RASIP1: variants seen among roughly 807,000 people sequenced by gnomAD.
The protein encoded by RASIP1 is Ras interacting protein 1.
RASIP1 carries 20 observed loss-of-function variants against 85.3 expected under a neutral mutation model. The ratio of observed to expected loss-of-function variants is 0.23; its 90% CI spans 0.17 to 0.34. RASIP1 has a LOEUF of 0.34. RASIP1 is among the 10% of genes least tolerant of loss of function. The probability of loss-of-function intolerance (pLI) is 1.00; values close to 1 mark genes in which losing one functional copy is unlikely to be tolerated. For synonymous variants in RASIP1, 617 were observed against 647.1 expected (o/e 0.95, Z 0.71); for missense variants, 1,170 against 1,390.9 (o/e 0.84, Z 2.53).
chr19:48,736,155 C>A (rs995461349), intron 3 of RASIP1, among the ~76,000 whole-genome samples: 2 of 151,462 alleles, frequency 1.3e-5, no homozygotes, highest in African/African-American at 2.4e-5. Context: ...GTGGCTCACG[C>A]GTGTAATCCC....
intron 4 of RASIP1, among the ~76,000 whole-genome samples, chr19:48,730,771 A>G (rs940964144): frequency 6.6e-6 from 1 of 152,122 alleles, no homozygotes; most frequent in Non-Finnish European, 1.5e-5. Flanking sequence ...GACACCTGCA[A>G]TCCCAGCACT....
intron 3 of RASIP1, chr19:48,737,987 C>T (rs370282528): frequency 1.0e-6 from 1 of 975,646 alleles, no homozygotes; most frequent in African/African-American, 1.8e-5. Context: ...CTCTGTCCCC[C>T]AGGCTGGAGT....
intron 11 of RASIP1, 39 bp from the exon 12 acceptor site, chr19:48,721,036 G>C: frequency 6.6e-7 from 1 of 1,511,110 alleles, no homozygotes; most frequent in Non-Finnish European, 8.9e-7. Context: ...GTCTGAAAGT[G>C]GGAGTGAGGT....
chr19:48,739,671 C>G lies in RASIP1; in HGVS notation c.138-26G>C. 1 of 1,365,732 alleles carries G rather than the reference C, an allele frequency of 7.3e-7. No individual in the cohort carries two copies. The highest frequency in any genetic ancestry group is 1.6e-5 in the South Asian group (1 of 61,736). 84.6% of individuals were successfully genotyped at this position (1,365,732 alleles called of 1,614,324 possible). A position where few individuals can be genotyped will look rare whatever the true frequency, so the allele number is the denominator to read the frequency against. On this transcript the variant is annotated intron_variant, in intron 2 of 11. Coordinates refer to ENST00000222145, the MANE Select transcript of RASIP1 (RefSeq NM_017805.3). The surrounding 1 kb of genome is among the most constrained non-coding windows in gnomAD (Gnocchi z 9.2). ...CTGGGAGTCCGCCGGGGAACAGAGT[C>G]GCGGGAGAGAGACCCAGGACGACAC... is the stretch of plus-strand genomic sequence containing the variant.
intron 10 of RASIP1, 111 bp from the exon 11 acceptor site, chr19:48,722,112 T>C (rs1043913838): frequency 7.2e-5 from 79 of 1,090,006 alleles, no homozygotes; most frequent in Non-Finnish European, 9.6e-5. Flanking sequence ...ATGGCATCTC[T>C]GCAGTGTCTT....
At position 48,735,391 on chromosome 19, in the gene RASIP1, C is replaced by G; in HGVS notation, c.984G>C (p.Ser328=). 6.2e-7 allele frequency: 1 copy of G among 1,613,044 alleles called. No individual in the cohort carries two copies. The highest frequency in any genetic ancestry group is 8.5e-7 in the Non-Finnish European group (1 of 1,179,796). ...SENLSLRRSV[S]ELSLQGRRRR... ...GCCGCCGCCCCTGAAGGCTAAGCTC[C>G]GACACGCTGCGCCGCAAAGACAAGT... Residue 328 remains serine, a synonymous_variant, in exon 4 of 12, where the codon TCG becomes TCC. Coordinates refer to ENST00000222145, the MANE Select transcript of RASIP1 (RefSeq NM_017805.3).
chr19:48,739,667 G>C lies in RASIP1; in HGVS notation c.138-22C>G, dbSNP rs1329615413. The C allele has an allele frequency of 7.2e-6, 10 of 1,380,690 alleles. No individual in the cohort carries two copies. Among genetic ancestry groups the C allele is most frequent in the Non-Finnish European group, 9.4e-6 (10 of 1,066,796 alleles). The allele number at this position is 1,380,690 out of a possible 1,614,324, so 85.5% of individuals were successfully genotyped here. A position where few individuals can be genotyped will look rare whatever the true frequency, so the allele number is the denominator to read the frequency against. On this transcript the variant is annotated intron_variant, in intron 2 of 11. Coordinates refer to ENST00000222145, the MANE Select transcript of RASIP1 (RefSeq NM_017805.3). The surrounding 1 kb of genome is among the most constrained non-coding windows in gnomAD (Gnocchi z 9.2). ...AGACCTGGGAGTCCGCCGGGGAACA[G>C]AGTCGCGGGAGAGAGACCCAGGACG...
At position 48,720,596 on chromosome 19, in the gene RASIP1, C is replaced by T. The variant is rs115351574; in HGVS notation, c.*202G>A. ...AACAATCGAGGCGCTGCCGATACCA[C>T]GGATACCTTTATTGCTCCCTGGCAT... On this transcript the variant is annotated 3_prime_UTR_variant, in exon 12 of 12. Coordinates refer to ENST00000222145, the MANE Select transcript of RASIP1 (RefSeq NM_017805.3). 1.1e-3 allele frequency: 637 copies of T among 596,972 alleles called. 5 individuals carry two copies. The African/African-American group carries it at 0.011, about 10-fold the overall frequency. The allele number at this position is 596,972 out of a possible 1,614,324, so 37.0% of individuals were successfully genotyped here.
rs2033636444 is a variant in RASIP1, at chr19:48,739,722, A to G, written c.138-77T>C. On this transcript the variant is annotated intron_variant, in intron 2 of 11. Transcript: ENST00000222145. This position sits in a 1 kb window ranked among gnomAD's most constrained non-coding sequence, Gnocchi z 9.2. ...GCCAAGACGGGGGTGGGGGCATATTAGGAGGGAAGTGGGCAGAGACCCAGA... is the reference window on the plus strand; with the variant it reads ...GCCAAGACGGGGGTGGGGGCATATTGGGAGGGAAGTGGGCAGAGACCCAGA... 9.3e-7 allele frequency: 1 copy of G among 1,079,246 alleles called. No homozygotes were observed. Among genetic ancestry groups the G allele is most frequent in the Non-Finnish European group, 1.1e-6 (1 of 885,908 alleles). 66.9% of individuals were successfully genotyped at this position (1,079,246 alleles called of 1,614,324 possible).
chr19:48,721,926 G>T lies in RASIP1; in HGVS notation c.2620C>A (p.Gln874Lys), dbSNP rs768292820. Residue 874 changes from glutamine to lysine, a missense_variant, in exon 11 of 12, where the codon CAG becomes AAG. Around this residue, in one of 4 missense-constraint regions of RASIP1, gnomAD observed 426 missense variants for 576.2 expected, o/e 0.74. Transcript: ENST00000222145. Reference sequence around the variant, plus strand: ...GGCGGCCCGCGGCCAGGGCCCAGCTGATAGTGGCTGAGCAGATGGTGCAGC... The same window carrying T: ...GGCGGCCCGCGGCCAGGGCCCAGCTTATAGTGGCTGAGCAGATGGTGCAGC... ...AQLHHLLSHY[Q>K]LGPGRGPPAA... 174 of 1,594,324 alleles carry T rather than the reference G, an allele frequency of 1.1e-4. No individual in the cohort carries two copies. The highest frequency in any genetic ancestry group is 1.4e-4 in the Non-Finnish European group (169 of 1,170,674).
At position 48,724,428 on chromosome 19, in the gene RASIP1, C is replaced by A. The variant is rs2033306180; in HGVS notation, c.2453G>T (p.Gly818Val). 1 of 1,614,040 alleles carries A rather than the reference C, an allele frequency of 6.2e-7. No individual in the cohort carries two copies. The highest frequency in any genetic ancestry group is 1.3e-5 in the African/African-American group (1 of 74,924). ...NLDLVLDWLQ[G>V]AGLGDIATEF... ...AGTGGCAATGTCGCCCAGCCCAGCTCCCTGTAGCCAGTCCAAGACGAGGTC... is the reference window on the plus strand; with the variant it reads ...AGTGGCAATGTCGCCCAGCCCAGCTACCTGTAGCCAGTCCAAGACGAGGTC... Residue 818 changes from glycine to valine, a missense_variant, in exon 10 of 12, where the codon GGA becomes GTA. Physicochemically the swap from Gly to Val is moderately radical, Grantham distance 109. Transcript: ENST00000222145. The surrounding 1 kb of genome is among the most constrained non-coding windows in gnomAD (Gnocchi z 4.6).
Position 48,729,480 on chromosome 19 carries a change from G to A in RASIP1, c.1290C>T (p.Ala430=), listed in dbSNP as rs772112603. ...PAPYVDTFLN[A]PDILPRHCTV... ...TGCAGTGACGCGGCAGGATGTCCGGGGCGTTGAGGAAGGTGTCCACATAGG... is the reference window on the plus strand; with the variant it reads ...TGCAGTGACGCGGCAGGATGTCCGGAGCGTTGAGGAAGGTGTCCACATAGG... Residue 430 remains alanine, a synonymous_variant, in exon 5 of 12, where the codon GCC becomes GCT. Transcript: ENST00000222145. The A allele has an allele frequency of 1.9e-6, 3 of 1,580,866 alleles. No individual in the cohort carries two copies. Among genetic ancestry groups the A allele is most frequent in the Middle Eastern group, 3.3e-4 (2 of 6,030 alleles).
intron 4 of RASIP1, among the ~76,000 whole-genome samples, chr19:48,734,111 G>A (rs1001621797): frequency 5.3e-5 from 8 of 151,934 alleles, no homozygotes; most frequent in East Asian, 2.0e-4. Context: ...CTGGCTAAAC[G>A]GTGAAACCTC....
chr19:48,720,960 G>T lies in RASIP1; in HGVS notation c.2730C>A (p.Leu910=). 1 of 1,611,560 alleles carries T rather than the reference G, an allele frequency of 6.2e-7. No individual in the cohort carries two copies. Among genetic ancestry groups the T allele is most frequent in the South Asian group, 1.1e-5 (1 of 91,036 alleles). The change falls in exon 12 of 12, where the codon CTC becomes CTA. Residue 910 remains leucine (L), a synonymous_variant. Coordinates refer to ENST00000222145, the MANE Select transcript of RASIP1 (RefSeq NM_017805.3). ...GGCGCGAGCTCCCCAGGGGGAGGAT[G>T]AGGGGCGGGTGCGAGGAGAAGCTTT... ...IFESFSSHPP[L]ILPLGSSRLR... is the part of the protein sequence containing the mutation.
At chr19:48,731,510 C>T (rs1162847795) in intron 4 of RASIP1, among the ~76,000 whole-genome samples, 1 of 152,150 alleles carries the variant, frequency 6.6e-6, no homozygotes, top group Non-Finnish European at 1.5e-5. Context: ...CACGGACAAC[C>T]TCTTACCATG....
intron 11 of RASIP1, 108 bp from the exon 12 acceptor site, chr19:48,721,105 C>A (rs1264434929): frequency 2.1e-6 from 2 of 948,036 alleles, no homozygotes; most frequent in Admixed American, 2.9e-5. Context: ...AAACTACAAA[C>A]CCCAGCAACT....
Position 48,728,923 on chromosome 19 carries a change from TG to T in RASIP1, c.1833+13del. ...GGCGCTGGTGGGGCTGGACGGCGAT[TG>T]GGGGGCGCTCACCCAGACGGCCTCC... On this transcript the variant is annotated intron_variant, in intron 5 of 11. Coordinates refer to ENST00000222145, the MANE Select transcript of RASIP1 (RefSeq NM_017805.3). 9 of 1,433,074 alleles carry T rather than the reference TG, an allele frequency of 6.3e-6. No homozygotes were observed. Among genetic ancestry groups the T allele is most frequent in the South Asian group, 2.8e-5 (2 of 71,510 alleles). 88.8% of individuals were successfully genotyped at this position (1,433,074 alleles called of 1,614,324 possible).
chr19:48,725,259 T>A, intron 8 of RASIP1: 1 of 275,778 alleles, frequency 3.6e-6, no homozygotes, highest in Non-Finnish European at 6.9e-6. Flanking sequence ...GTCAAAGAAT[T>A]ATTCATCCTG....
chr19:48,734,067 G>A (rs911451944), intron 4 of RASIP1, among the ~76,000 whole-genome samples: 4 of 151,980 alleles, frequency 2.6e-5, no homozygotes, highest in Non-Finnish European at 5.9e-5. Context: ...AGGCCGAGGC[G>A]GGCGGATCAC....
Sources: gnomAD v4.1 joint callset for allele counts (sites outside exome capture counted in the v4.1 genomes callset) on GRCh38, gnomAD v4.1.1 for gene constraint, gnomAD v4.1.1 regional missense constraint, Gnocchi (gnomAD v3.1) non-coding constraint, MANE v1.5 for transcripts, NCBI Gene and HGNC (gene_info 2026-07-23, HGNC 2026-07-21) for gene names.